Variants in DPH6 observed in about 807,000 individuals in gnomAD.
DPH6 encodes diphthamine biosynthesis 6, also known as diphthine--ammonia ligase.
In DPH6, 33 loss-of-function variants were observed where a neutral mutation model predicts 38.2. The observed-to-expected ratio is 0.86, with a 90% CI of 0.65 to 1.15. The LOEUF (loss-of-function observed/expected upper bound fraction) is 1.15. Ranked by LOEUF, DPH6 falls within the 50% of genes most tolerant of loss-of-function variation. The pLI is 0.00. For missense variants in DPH6, 325 were observed against 320.0 expected, an observed-to-expected ratio of 1.02 and a Z score of -0.12; for synonymous variants, 108 against 103.0, an observed-to-expected ratio of 1.05 and a Z score of -0.30.
At chr15:35,177,918 GACA>G in the DPH6 span, among the ~76,000 whole-genome samples, 1 of 150,980 alleles carries the variant, frequency 6.6e-6, no homozygotes, top group African/African-American at 2.4e-5. Context: ...CTCCAGCCTG[GACA>G]ACAAGAGCAA....
In DPH6 at chr15:35,453,557, G is replaced by A. The variant is rs143381530; in HGVS notation, c.386+1190C>T. 4.2e-3 allele frequency among the ~76,000 whole-genome samples: 637 copies of A among 152,072 alleles called. 10 individuals are homozygous for A. Among genetic ancestry groups the A allele is most frequent in the African/African-American group, 0.015 (604 of 41,492 alleles). On this transcript the variant is annotated intron_variant, in intron 4 of 8. Coordinates refer to ENST00000256538, the MANE Select transcript of DPH6 (RefSeq NM_080650.4). ...CATCTGCAGATCAGTTGTTCTCAACGGTAGATCTACATCTAGGTAGAATGT... is the reference window on the plus strand; with the variant it reads ...CATCTGCAGATCAGTTGTTCTCAACAGTAGATCTACATCTAGGTAGAATGT...
intron 3 of DPH6, among the ~76,000 whole-genome samples, chr15:35,478,544 T>C (rs2054289841): frequency 6.6e-6 from 1 of 151,920 alleles, no homozygotes; most frequent in Non-Finnish European, 1.5e-5. Context: ...AAGTAAACCA[T>C]ATATTTAATG....
At chr15:35,515,457 C>T (rs2054832405) in intron 3 of DPH6, among the ~76,000 whole-genome samples, 1 of 151,876 alleles carries the variant, frequency 6.6e-6, no homozygotes, top group African/African-American at 2.4e-5. Context: ...TGCGGTGGCT[C>T]ACACCTGTAA....
chr15:35,496,565 A>ATATATATATATATATATATATATAT lies in DPH6; in HGVS notation c.312+41708_312+41709insATATATATATATATATATATATATA, dbSNP rs1467883229. ...ACGAAAGTTCCATCTCAAAAAAAAA[A>ATATATATATATATATATATATATAT]AAATATATATATATATATATATATA... On this transcript the variant is annotated intron_variant, in intron 3 of 8. Transcript: ENST00000256538. Among the ~76,000 whole-genome samples the ATATATATATATATATATATATATAT allele has an allele frequency of 1.3e-3, 27 of 20,120 alleles. 1 individual carries two copies. Among genetic ancestry groups the ATATATATATATATATATATATATAT allele is most frequent in the South Asian group, 6.5e-3 (2 of 308 alleles). The allele number at this position is 20,120 out of a possible 152,430, so 13.2% of individuals were successfully genotyped here.
At chr15:35,421,291 T>A (rs1433505346) in intron 5 of DPH6, among the ~76,000 whole-genome samples, 1 of 152,164 alleles carries the variant, frequency 6.6e-6, no homozygotes, top group African/African-American at 2.4e-5. Context: ...CTAAACTAAT[T>A]TTACAAGGCC....
chr15:35,223,676 A>T (rs1259356801), intron 3 of DPH6, among the ~76,000 whole-genome samples: 1 of 151,378 alleles, frequency 6.6e-6, no homozygotes, highest in Non-Finnish European at 1.5e-5. Context: ...ACAGAGCAAA[A>T]CTCCGTCTCA....
intron 1 of DPH6, among the ~76,000 whole-genome samples, chr15:35,545,458 A>G (rs139327775): frequency 2.2e-3 from 329 of 152,384 alleles, no homozygotes; most frequent in African/African-American, 7.4e-3. Flanking sequence ...AGCAACAGCA[A>G]CTGGATCTAG....
chr15:35,533,110 A>C (rs549029874), intron 3 of DPH6, among the ~76,000 whole-genome samples: 1 of 150,694 alleles, frequency 6.6e-6, no homozygotes, highest in East Asian at 2.0e-4. Context: ...TCAGTCTCGA[A>C]AAAAAAAAAA....
chr15:35,310,668 C>T (rs1040032360), intron 3 of DPH6, among the ~76,000 whole-genome samples: 1 of 152,040 alleles, frequency 6.6e-6, no homozygotes, highest in Non-Finnish European at 1.5e-5. Context: ...ATAGAATAAC[C>T]TGAAGTTCAG....
intron 3 of DPH6, among the ~76,000 whole-genome samples, chr15:35,261,814 C>A (rs930296492): frequency 1.4e-5 from 2 of 142,918 alleles, no homozygotes; most frequent in South Asian, 4.6e-4. Flanking sequence ...GCCTGGGCAA[C>A]AGAGCAAGAC....
At chr15:35,344,177 A>G (rs2052444053) in intron 3 of DPH6, among the ~76,000 whole-genome samples, 1 of 152,034 alleles carries the variant, frequency 6.6e-6, no homozygotes, top group Non-Finnish European at 1.5e-5. Context: ...GATGATAAAG[A>G]GAAGCCAGAC....
At chr15:35,505,048 A>C (rs889405483) in intron 3 of DPH6, among the ~76,000 whole-genome samples, 3 of 152,126 alleles carry the variant, frequency 2.0e-5, no homozygotes, top group Non-Finnish European at 4.4e-5. Context: ...TAATTCCTAC[A>C]TGTATAAAAT....
chr15:35,293,123 G>A (rs1445084661), intron 3 of DPH6, among the ~76,000 whole-genome samples: 2 of 152,108 alleles, frequency 1.3e-5, no homozygotes, highest in Non-Finnish European at 2.9e-5. Context: ...TAAAAACTCT[G>A]AAATTCACTA....
At chr15:35,491,898 C>A (rs1397579130) in intron 3 of DPH6, among the ~76,000 whole-genome samples, 1 of 151,026 alleles carries the variant, frequency 6.6e-6, no homozygotes, top group Non-Finnish European at 1.5e-5. Flanking sequence ...ATATATATAT[C>A]TCTTATATGT....
rs375481770 is a variant in DPH6 at position 35,251,242 on chromosome 15, C to A, written n.201-30660G>T. 8.9e-4 allele frequency among the ~76,000 whole-genome samples: 135 copies of A among 152,186 alleles called. No individual in the cohort carries two copies. The Middle Eastern group carries it at 0.01, about 12-fold the overall frequency. ...ATTTTAGATTCAGGGGATACAAGTG[C>A]AGGTTTGTTACACGAGTATATTTTC... On this transcript the variant is annotated intron_variant and non_coding_transcript_variant, in intron 3 of 3. Transcript: ENST00000560386.
downstream of DPH6, among the ~76,000 whole-genome samples, chr15:35,326,503 T>C (rs2052283391): frequency 6.6e-6 from 1 of 152,080 alleles, no homozygotes; most frequent in African/African-American, 2.4e-5. Context: ...GCAAATGTGA[T>C]TTACTGCAGC....
At chr15:35,344,076 C>T (rs190010065) in intron 3 of DPH6, among the ~76,000 whole-genome samples, 1 of 151,934 alleles carries the variant, frequency 6.6e-6, no homozygotes, top group African/African-American at 2.4e-5. Flanking sequence ...TGTAATTAAA[C>T]CTGAAGTAGT....
chr15:35,382,743 A>T (rs1441788218), intron 6 of DPH6, among the ~76,000 whole-genome samples: 3 of 152,164 alleles, frequency 2.0e-5, no homozygotes, highest in Non-Finnish European at 4.4e-5. Flanking sequence ...TTCCAAGGGC[A>T]CTGAGAACTA....
the DPH6 span, among the ~76,000 whole-genome samples, chr15:35,203,422 C>T: frequency 6.6e-6 from 1 of 151,528 alleles, no homozygotes; most frequent in South Asian, 2.1e-4. Context: ...CACTATTCCC[C>T]ATTTGACCCA....
Sources: gnomAD v4.1 joint callset for allele counts (sites outside exome capture counted in the v4.1 genomes callset) on GRCh38, gnomAD v4.1.1 for gene constraint, MANE v1.5 for transcripts, NCBI Gene and HGNC (gene_info 2026-07-23, HGNC 2026-07-21) for gene names.